CLASP1: variants seen among roughly 807,000 people sequenced by gnomAD.
The protein encoded by CLASP1 is cytoplasmic linker associated protein 1.
In CLASP1, 38 loss-of-function variants were observed where a neutral mutation model predicts 192.3. That is an observed-to-expected ratio of 0.20 (90% CI 0.15 to 0.26). The LOEUF (loss-of-function observed/expected upper bound fraction) is 0.26, where lower values mean the gene tolerates loss of function less well. CLASP1 is among the 10% of genes least tolerant of loss of function. The probability of loss-of-function intolerance (pLI) is 1.00; values close to 1 mark genes in which losing one functional copy is unlikely to be tolerated. For synonymous variants in CLASP1, 691 were observed against 712.8 expected (o/e 0.97, Z 0.49); for missense variants, 1,433 against 1,932.5 (o/e 0.74, Z 4.85).
At chr2:121,376,006 G>A (rs192625273) in intron 34 of CLASP1, among the ~76,000 whole-genome samples, 1 of 152,156 alleles carries the variant, frequency 6.6e-6, no homozygotes, top group Non-Finnish European at 1.5e-5. Flanking sequence ...ACTATTTTAT[G>A]GTTATTATAA....
At chr2:121,552,695 G>T (rs527309642) in intron 2 of CLASP1, among the ~76,000 whole-genome samples, 9 of 152,202 alleles carry the variant, frequency 5.9e-5, no homozygotes, top group Non-Finnish European at 1.0e-4. Context: ...AGTAACAGAC[G>T]CTGGTGAGGT....
intron 8 of CLASP1, among the ~76,000 whole-genome samples, chr2:121,474,918 C>T (rs890509089): frequency 6.6e-6 from 1 of 152,102 alleles, no homozygotes; most frequent in African/African-American, 2.4e-5. Context: ...AAGGAGGACG[C>T]AAGAATTAAG....
chr2:121,473,771 A>C (rs928830898), intron 8 of CLASP1, among the ~76,000 whole-genome samples: 24 of 152,358 alleles, frequency 1.6e-4, no homozygotes, highest in Admixed American at 5.2e-4. Context: ...AGACTTCATC[A>C]GAAACCCTGC....
intron 1 of CLASP1, among the ~76,000 whole-genome samples, chr2:121,633,427 A>G (rs968301157): frequency 6.3e-5 from 9 of 141,774 alleles, no homozygotes; most frequent in African/African-American, 2.7e-4. Context: ...CTAAAAGAAC[A>G]ATGTCTAACC....
chr2:121,624,708 C>T (rs770919762), intron 1 of CLASP1, among the ~76,000 whole-genome samples: 3 of 152,178 alleles, frequency 2.0e-5, no homozygotes, highest in Non-Finnish European at 1.5e-5. Context: ...TGAGCCAGTG[C>T]GCCCAGCCCA....
chr2:121,577,695 G>A (rs2060661534), intron 2 of CLASP1, among the ~76,000 whole-genome samples: 1 of 152,136 alleles, frequency 6.6e-6, no homozygotes, highest in African/African-American at 2.4e-5. Flanking sequence ...TTTAAAATGA[G>A]GTTGAAAATA....
At chr2:121,587,795 C>T (rs1048274295) in intron 2 of CLASP1, among the ~76,000 whole-genome samples, 1 of 151,070 alleles carries the variant, frequency 6.6e-6, no homozygotes, top group African/African-American at 2.4e-5. Context: ...CGCACCACTG[C>T]ACTCCAGCCT....
At chr2:121,470,293 CTTTTTTTTTTTTTTTTT>C (rs70954550) in intron 8 of CLASP1, 39 of 309,000 alleles carry the variant, frequency 1.3e-4, no homozygotes, top group Admixed American at 2.0e-4. Context: ...ACCATCCATG[CTTTTTTTTTTTTTTTTT>C]TTTTTTTTTT....
intron 39 of CLASP1, among the ~76,000 whole-genome samples, chr2:121,343,535 G>A (rs1298799197): frequency 2.0e-5 from 3 of 152,178 alleles, no homozygotes. Flanking sequence ...AAGCCCTGAG[G>A]ACATTATGCT....
At chr2:121,500,091 G>A (rs1306196746) in intron 8 of CLASP1, among the ~76,000 whole-genome samples, 1 of 152,002 alleles carries the variant, frequency 6.6e-6, no homozygotes. Context: ...ACCCCACAGA[G>A]GCTACAAAAA....
chr2:121,525,795 C>G, intron 6 of CLASP1, 50 bp downstream of exon 6: 1 of 1,333,244 alleles, frequency 7.5e-7, no homozygotes, highest in Non-Finnish European at 1.1e-6. Context: ...GAATGCATCT[C>G]AACAGTCTGT....
At chr2:121,649,287 G>A (rs1576775782) in intron 1 of CLASP1, 85 bp downstream of exon 1, 1 of 152,294 alleles carries the variant, frequency 6.6e-6, no homozygotes, top group East Asian at 1.9e-4. Flanking sequence ...CCCCCACCCA[G>A]ACCCGGCGCC....
rs1400594853 is a variant in CLASP1, at chr2:121,403,357, A to T, written c.2733+1014T>A. 13 of 455,600 alleles carry T rather than the reference A, an allele frequency of 2.9e-5. No homozygotes were observed. The Admixed American group carries it at 3.1e-4, about 11-fold the overall frequency. The allele number at this position is 455,600 out of a possible 1,614,324, so 28.2% of individuals were successfully genotyped here. On this transcript the variant is annotated intron_variant, in intron 26 of 39. Coordinates refer to ENST00000263710, the Ensembl canonical transcript of CLASP1. The stretch of plus-strand genomic sequence containing the variant: ...GCAGGTACTCAGTAAATGTTAAATG[A>T]CTGGGTGAATGAATGGGTGGATGGA...
intron 32 of CLASP1, among the ~76,000 whole-genome samples, chr2:121,384,233 G>T (rs113015669): frequency 1.5e-3 from 232 of 151,226 alleles, no homozygotes; most frequent in African/African-American, 5.3e-3. Context: ...CTGTTGTCCA[G>T]GCTAGAGTGC....
chr2:121,478,461 C>A (rs1378037094), intron 8 of CLASP1, among the ~76,000 whole-genome samples: 1 of 151,910 alleles, frequency 6.6e-6, no homozygotes, highest in Non-Finnish European at 1.5e-5. Context: ...ATGAGCCCAG[C>A]GTGGCAGCAC....
At chr2:121,397,898 T>C (rs910915881) in intron 29 of CLASP1, among the ~76,000 whole-genome samples, 7 of 152,234 alleles carry the variant, frequency 4.6e-5, no homozygotes, top group Admixed American at 2.0e-4. Flanking sequence ...CCACAACATG[T>C]AACGATTAAC....
chr2:121,589,646 A>AC (rs1162997210), intron 2 of CLASP1, among the ~76,000 whole-genome samples: 37 of 151,628 alleles, frequency 2.4e-4, no homozygotes, highest in Middle Eastern at 6.8e-3. Context: ...AAAAAAAAAA[A>AC]AACACACTAT....
chr2:121,454,059 T>A (rs1040187204), intron 14 of CLASP1, among the ~76,000 whole-genome samples: 4 of 152,190 alleles, frequency 2.6e-5, no homozygotes, highest in African/African-American at 9.7e-5. Context: ...TGGCGGCATT[T>A]CTATTGTCAC....
chr2:121,469,829 T>C (rs1179077140), exon 9 of CLASP1: 1 of 1,613,084 alleles, frequency 6.2e-7, no homozygotes, highest in Non-Finnish European at 8.5e-7. Context: ...GATCCAAGGG[T>C]GGATGAACCA....
Sources: allele counts gnomAD v4.1 joint callset (sites outside exome capture counted in the v4.1 genomes callset), GRCh38; gene constraint gnomAD v4.1.1; transcripts MANE v1.5; gene names NCBI Gene and HGNC (gene_info 2026-07-23, HGNC 2026-07-21).